The following MYOC variants were observed in gnomAD, a reference collection of about 807,000 sequenced individuals.
MYOC encodes the protein juvenile-onset open-angle glaucoma 1.
Under a neutral mutation model 28.2 loss-of-function variants are expected in MYOC, and 29 were observed. The ratio of observed to expected loss-of-function variants is 1.03; its 90% CI spans 0.77 to 1.40. The LOEUF is 1.40. Among genes scored for constraint, MYOC ranks in the 40% most tolerant of loss-of-function variants. The probability of loss-of-function intolerance (pLI) is 0.00; values close to 1 mark genes in which losing one functional copy is unlikely to be tolerated. For synonymous variants in MYOC, 240 were observed against 245.6 expected (o/e 0.98, Z 0.21); for missense variants, 569 against 620.6 (o/e 0.92, Z 0.88).
chr1:171,648,650 T>TTA (rs1171434352), intron 1 of MYOC, among the ~76,000 whole-genome samples: 1 of 147,978 alleles, frequency 6.8e-6, no homozygotes, highest in Non-Finnish European at 1.5e-5. Flanking sequence ...TATAATAAAT[T>TTA]TATATATATA....
chr1:171,652,164 A>C lies in MYOC; in HGVS notation c.448T>G (p.Ser150Ala), dbSNP rs1276825031. The change falls in exon 1 of 3, where the codon TCA (serine) becomes GCA (alanine). Residue 150 changes from serine (S) to alanine (A), a missense_variant. Transcript: ENST00000037502. ...TAYSNLLRDK[S>A]VLEEEKKRLR... ...CGCTTCTTCTCTTCCTCCAGAACTG[A>C]CTTGTCTCGGAGGAGGTTGCTGTAG... 1 of 1,612,152 alleles carries C rather than the reference A, an allele frequency of 6.2e-7. No individual in the cohort carries two copies. The highest frequency in any genetic ancestry group is 8.5e-7 in the Non-Finnish European group (1 of 1,179,398).
chr1:171,652,471 G>A lies in MYOC; in HGVS notation c.141C>T (p.Cys47=), dbSNP rs1439192102. The change falls in exon 1 of 3, where the codon TGC becomes TGT. Residue 47 remains cysteine, a synonymous_variant. Transcript: ENST00000037502. ...LRKANDQSGR[C]QYTFSVASPN... Reference sequence around the variant, plus strand: ...GACTGGCCACACTGAAGGTATACTGGCATCGGCCACTCTGGTCATTGGCCT... The same window carrying A: ...GACTGGCCACACTGAAGGTATACTGACATCGGCCACTCTGGTCATTGGCCT... 24 of 1,614,076 alleles carry A rather than the reference G, an allele frequency of 1.5e-5. No homozygotes were observed. The highest frequency in any genetic ancestry group is 3.3e-5 in the Admixed American group (2 of 59,998).
intron 1 of MYOC, among the ~76,000 whole-genome samples, chr1:171,639,045 G>A (rs919784217): frequency 6.0e-5 from 7 of 115,956 alleles, no homozygotes; most frequent in African/African-American, 1.9e-4. Context: ...GCTGTGAGCC[G>A]AGACTACACT....
chr1:171,652,647 T>C lies in MYOC; in HGVS notation c.-36A>G, dbSNP rs1653383548. On this transcript the variant is annotated 5_prime_UTR_variant, in exon 1 of 3. Coordinates refer to ENST00000037502, the MANE Select transcript of MYOC (RefSeq NM_000261.2). ...TGGTGAGGCTTCCTCTGGAAAGCTC[T>C]GCTGTGCTGAGAGGTGCCTGGATGG... is the stretch of plus-strand genomic sequence containing the variant. 6.2e-7 allele frequency: 1 copy of C among 1,612,850 alleles called. No homozygotes were observed. Among genetic ancestry groups the C allele is most frequent in the Non-Finnish European group, 8.5e-7 (1 of 1,179,948 alleles).
chr1:171,636,847 C>T (rs1652935499), intron 2 of MYOC, 138 bp from the exon 3 acceptor site: 1 of 898,136 alleles, frequency 1.1e-6, no homozygotes. Context: ...TAAAGCTAGG[C>T]TCTACCACCC....
chr1:171,642,410 T>TGGGAC (rs1653095816), intron 1 of MYOC, among the ~76,000 whole-genome samples: 1 of 152,018 alleles, frequency 6.6e-6, no homozygotes, highest in South Asian at 2.1e-4. Flanking sequence ...GCCAAGAGTT[T>TGGGAC]GGGACCAGGC....
chr1:171,638,362 TG>T (rs1301229526), intron 2 of MYOC, among the ~76,000 whole-genome samples: 4 of 151,870 alleles, frequency 2.6e-5, no homozygotes, highest in African/African-American at 9.7e-5. Context: ...CTCCCAAGTG[TG>T]GGTGATAGGA....
At chr1:171,648,080 T>C (rs1394306347) in intron 1 of MYOC, among the ~76,000 whole-genome samples, 2 of 150,874 alleles carry the variant, frequency 1.3e-5, no homozygotes, top group South Asian at 2.1e-4. Context: ...TCCCAGCTAC[T>C]CGGGAGGCTG....
intron 1 of MYOC, among the ~76,000 whole-genome samples, chr1:171,651,788 C>T (rs1206241959): frequency 6.6e-6 from 1 of 152,152 alleles, no homozygotes; most frequent in Non-Finnish European, 1.5e-5. Context: ...CATGGAGGGG[C>T]ACAAGAACTC....
intron 2 of MYOC, among the ~76,000 whole-genome samples, chr1:171,638,248 C>T (rs148892730): frequency 1.4e-4 from 22 of 152,104 alleles, no homozygotes; most frequent in Admixed American, 8.5e-4. Context: ...GATATGAAGG[C>T]GCTACTGAAA....
At chr1:171,638,769 C>G (rs777449138) in intron 1 of MYOC, 47 bp from the exon 2 acceptor site, 3 of 1,607,196 alleles carry the variant, frequency 1.9e-6, no homozygotes, top group Non-Finnish European at 2.6e-6. Flanking sequence ...AAAAAATGGC[C>G]CAAGGATTGA....
chr1:171,651,703 T>A (rs890915498), intron 1 of MYOC, among the ~76,000 whole-genome samples: 2 of 152,210 alleles, frequency 1.3e-5, no homozygotes, highest in African/African-American at 4.8e-5. Context: ...AATTGACAAC[T>A]TTCTACTGCT....
chr1:171,638,936 A>G, intron 1 of MYOC: 1 of 454,664 alleles, frequency 2.2e-6, no homozygotes, highest in Non-Finnish European at 4.1e-6. Context: ...TTTGCTAAAA[A>G]CACAAAAGAA....
At chr1:171,637,859 C>T (rs776985042) in intron 2 of MYOC, among the ~76,000 whole-genome samples, 13 of 151,996 alleles carry the variant, frequency 8.6e-5, no homozygotes, top group Non-Finnish European at 1.2e-4. Flanking sequence ...GTGATCCGCC[C>T]GCCTCAGCCT....
At position 171,635,903 on chromosome 1, in the gene MYOC, GC is replaced by G; in HGVS notation, c.*21del. 6.2e-7 allele frequency: 1 copy of G among 1,613,470 alleles called. No individual in the cohort carries two copies. Among genetic ancestry groups the G allele is most frequent in the Non-Finnish European group, 8.5e-7 (1 of 1,179,742 alleles). ...GCCCTGAGCATCTCCTTCTGCCATT[GC>G]CTGTACAGCTTGGAGGCTTTTCACA... is the stretch of plus-strand genomic sequence containing the variant. On this transcript the variant is annotated 3_prime_UTR_variant, in exon 3 of 3. Coordinates refer to ENST00000037502, the MANE Select transcript of MYOC (RefSeq NM_000261.2).
In MYOC at chr1:171,652,162, T is replaced by G. The variant is rs1558090440; in HGVS notation, c.450A>C (p.Ser150=). ...GTCGCTTCTTCTCTTCCTCCAGAACTGACTTGTCTCGGAGGAGGTTGCTGT... is the reference window on the plus strand; with the variant it reads ...GTCGCTTCTTCTCTTCCTCCAGAACGGACTTGTCTCGGAGGAGGTTGCTGT... ...TAYSNLLRDK[S]VLEEEKKRLR... Residue 150 remains serine (S), a synonymous_variant, in exon 1 of 3, where the codon TCA becomes TCC. Coordinates refer to ENST00000037502, the MANE Select transcript of MYOC (RefSeq NM_000261.2). The G allele has an allele frequency of 6.2e-7, 1 of 1,614,208 alleles. No homozygotes were observed. Among genetic ancestry groups the G allele is most frequent in the Admixed American group, 1.7e-5 (1 of 60,034 alleles).
intron 1 of MYOC, among the ~76,000 whole-genome samples, chr1:171,651,350 C>CA (rs1558090123): frequency 1.4e-4 from 20 of 146,896 alleles, no homozygotes; most frequent in Middle Eastern, 3.5e-3. Context: ...CGCACCCCCC[C>CA]CACACACACA....
chr1:171,636,735 A>G (rs1652933151), intron 2 of MYOC, 26 bp from the exon 3 acceptor site: 1 of 1,596,760 alleles, frequency 6.3e-7, no homozygotes. Context: ...AAGAAAACGA[A>G]GCACCACTTA....
rs747479377 is a variant in MYOC at position 171,636,705 on chromosome 1, A to G, written c.735T>C (p.Cys245=). ...GCTCTCCTACCCAAACTAGTTCTCC[A>G]CATCCTGGTAAATTCAGAAAAGAAA... ...YLRSGEGDTG[C]GELVWVGEPL... is the part of the protein sequence containing the mutation. Residue 245 remains cysteine, a synonymous_variant, in exon 3 of 3, where the codon TGT becomes TGC. Transcript: ENST00000037502. The G allele has an allele frequency of 1.9e-6, 3 of 1,601,272 alleles. No individual in the cohort carries two copies. Among genetic ancestry groups the G allele is most frequent in the Non-Finnish European group, 8.5e-7 (1 of 1,179,944 alleles).
Sources: gnomAD v4.1 joint callset for allele counts (sites outside exome capture counted in the v4.1 genomes callset) on GRCh38, gnomAD v4.1.1 for gene constraint, MANE v1.5 for transcripts, NCBI Gene and HGNC (gene_info 2026-07-23, HGNC 2026-07-21) for gene names.